The following RETREG1 variants were observed in gnomAD, a reference collection of about 807,000 sequenced individuals.
The protein encoded by RETREG1 is family with sequence similarity 134 member B.
In RETREG1, 44 loss-of-function variants were observed where a neutral mutation model predicts 54.8. The observed-to-expected ratio is 0.80, with a 90% confidence interval of 0.63 to 1.03. The LOEUF is 1.03. Ranked by LOEUF, RETREG1 falls within the 50% of genes least tolerant of loss-of-function variation. The pLI is 0.00. For synonymous variants in RETREG1, 217 were observed against 238.5 expected (o/e 0.91, Z 0.83); for missense variants, 554 against 605.1 (o/e 0.92, Z 0.89).
At chr5:16,546,052 A>G (rs190399012) in intron 3 of RETREG1, among the ~76,000 whole-genome samples, 1 of 152,378 alleles carries the variant, frequency 6.6e-6, no homozygotes, top group Admixed American at 6.5e-5. Flanking sequence ...TGCACCAGTC[A>G]TATAAAGCAA....
chr5:16,616,977 G>C lies in RETREG1; in HGVS notation c.-6C>G. ...GGAGGCGCCGGGCTCGCCATCTTCAGCTGTGCTTCCAGACAGGGACGGGGC... is the reference window on the plus strand; with the variant it reads ...GGAGGCGCCGGGCTCGCCATCTTCACCTGTGCTTCCAGACAGGGACGGGGC... On this transcript the variant is annotated 5_prime_UTR_variant, in exon 1 of 9. Coordinates refer to ENST00000306320, the MANE Select transcript of RETREG1 (RefSeq NM_001034850.3). 7.1e-7 allele frequency: 1 copy of C among 1,404,182 alleles called. No homozygotes were observed. The highest frequency in any genetic ancestry group is 2.9e-5 in the Admixed American group (1 of 34,578). 87.0% of individuals were successfully genotyped at this position (1,404,182 alleles called of 1,614,324 possible). A position where few individuals can be genotyped will look rare whatever the true frequency, so the allele number is the denominator to read the frequency against.
intron 1 of RETREG1, among the ~76,000 whole-genome samples, chr5:16,581,860 T>A (rs1462184032): frequency 6.6e-6 from 1 of 152,256 alleles, no homozygotes; most frequent in Non-Finnish European, 1.5e-5. Context: ...TTATTTAAAG[T>A]TCCAGGGTAC....
At chr5:16,485,433 T>C (rs1045296480) in intron 3 of RETREG1, among the ~76,000 whole-genome samples, 3 of 152,202 alleles carry the variant, frequency 2.0e-5, no homozygotes, top group Non-Finnish European at 4.4e-5. Flanking sequence ...CCTTCCAAAG[T>C]GCTGGGATTA....
At chr5:16,502,503 C>G (rs557169622) in intron 3 of RETREG1, among the ~76,000 whole-genome samples, 1 of 152,166 alleles carries the variant, frequency 6.6e-6, no homozygotes, top group Non-Finnish European at 1.5e-5. Flanking sequence ...TTTAAAAATG[C>G]TTCCAAAATG....
chr5:16,560,420 A>G (rs545054577), intron 3 of RETREG1, among the ~76,000 whole-genome samples: 3 of 152,284 alleles, frequency 2.0e-5, no homozygotes, highest in African/African-American at 7.2e-5. Flanking sequence ...ATGGCCCACT[A>G]TTTGATCCAC....
intron 3 of RETREG1, among the ~76,000 whole-genome samples, chr5:16,513,287 AG>A (rs1740238796): frequency 6.6e-6 from 1 of 152,350 alleles, no homozygotes; most frequent in Middle Eastern, 3.4e-3. Context: ...CTTTGGATCC[AG>A]AACCTGTGCT....
intron 1 of RETREG1, among the ~76,000 whole-genome samples, chr5:16,590,801 C>A (rs937248617): frequency 1.3e-4 from 19 of 150,754 alleles, no homozygotes; most frequent in African/African-American, 3.7e-4. Flanking sequence ...CAAACACACA[C>A]AAAAAAACAC....
intron 3 of RETREG1, among the ~76,000 whole-genome samples, chr5:16,538,207 G>A (rs1365976282): frequency 3.3e-5 from 5 of 152,050 alleles, no homozygotes; most frequent in Non-Finnish European, 4.4e-5. Context: ...GCCTGGCTCC[G>A]ACTCTGAAGA....
intron 1 of RETREG1, among the ~76,000 whole-genome samples, chr5:16,591,462 A>C (rs2126341825): frequency 6.6e-6 from 1 of 152,268 alleles, no homozygotes; most frequent in South Asian, 2.1e-4. Flanking sequence ...GTCGCTGGGG[A>C]TGTTTGTTTT....
At chr5:16,606,916 G>A (rs1407901952) in intron 1 of RETREG1, among the ~76,000 whole-genome samples, 1 of 151,988 alleles carries the variant, frequency 6.6e-6, no homozygotes, top group Non-Finnish European at 1.5e-5. Flanking sequence ...TTTCCCCCTT[G>A]CTCACCCAGC....
At chr5:16,600,247 C>A (rs565746207) in intron 1 of RETREG1, among the ~76,000 whole-genome samples, 1 of 152,162 alleles carries the variant, frequency 6.6e-6, no homozygotes, top group South Asian at 2.1e-4. Flanking sequence ...GTGATCCACC[C>A]ACCTCAGCCT....
intron 3 of RETREG1, among the ~76,000 whole-genome samples, chr5:16,504,057 C>G (rs574379273): frequency 2.0e-5 from 3 of 152,288 alleles, no homozygotes; most frequent in Non-Finnish European, 2.9e-5. Context: ...CTCCCTCCCC[C>G]CAACCCATCC....
At chr5:16,596,016 T>C (rs1304073549) in intron 1 of RETREG1, among the ~76,000 whole-genome samples, 4 of 152,200 alleles carry the variant, frequency 2.6e-5, no homozygotes, top group Non-Finnish European at 4.4e-5. Context: ...ACTTAGTGCA[T>C]GTAGTTTAAA....
intron 3 of RETREG1, among the ~76,000 whole-genome samples, chr5:16,516,597 TATC>T (rs770570116): frequency 2.0e-5 from 3 of 152,108 alleles, no homozygotes; most frequent in Non-Finnish European, 4.4e-5. Context: ...CGGGGTAAAT[TATC>T]ACCTTGAAGC....
intron 5 of RETREG1, among the ~76,000 whole-genome samples, 174 bp from the exon 6 acceptor site, chr5:16,479,161 T>G (rs1738663967): frequency 6.6e-6 from 1 of 152,052 alleles, no homozygotes; most frequent in African/African-American, 2.4e-5. Context: ...GGTAAACATT[T>G]TCTGCCACCA....
At chr5:16,545,165 C>T (rs181125913) in intron 3 of RETREG1, among the ~76,000 whole-genome samples, 2 of 152,136 alleles carry the variant, frequency 1.3e-5, no homozygotes, top group African/African-American at 4.8e-5. Context: ...GCTCGGGTTC[C>T]CCTACAAGCT....
chr5:16,573,118 G>A (rs1195713045), intron 1 of RETREG1, among the ~76,000 whole-genome samples: 2 of 138,464 alleles, frequency 1.4e-5, no homozygotes, highest in Non-Finnish European at 3.1e-5. Flanking sequence ...GGAGGCGGAG[G>A]TTGCAGTGAG....
rs574474082 is a variant in RETREG1, at chr5:16,545,038, G to C, written c.458+20725C>G. Among the ~76,000 whole-genome samples the C allele has an allele frequency of 7.9e-5, 12 of 152,270 alleles. No homozygotes were observed. In the South Asian group the frequency reaches 2.5e-3, roughly 32 times the overall value. On this transcript the variant is annotated intron_variant, in intron 3 of 8. Coordinates refer to ENST00000306320, the MANE Select transcript of RETREG1 (RefSeq NM_001034850.3). ...ACAGCCTTATTTTGAGAGGAAAGCA[G>C]GCTTCAAATCAATTAAAAATAAGCT...
At chr5:16,569,279 A>G (rs6859637) in intron 2 of RETREG1, among the ~76,000 whole-genome samples, 6,128 of 147,038 alleles carry the variant, frequency 0.042, 383 homozygotes, top group African/African-American at 0.15. Flanking sequence ...AATCATTCCC[A>G]TTTCTTTCTT....
Sources: allele counts gnomAD v4.1 joint callset (sites outside exome capture counted in the v4.1 genomes callset), GRCh38; gene constraint gnomAD v4.1.1; transcripts MANE v1.5; gene names NCBI Gene and HGNC (gene_info 2026-07-23, HGNC 2026-07-21).